VWC2L: variants seen among roughly 807,000 people sequenced by gnomAD.
VWC2L encodes von Willebrand factor C domain-containing protein 2-like.
In VWC2L, 10 loss-of-function variants were observed where a neutral mutation model predicts 21.6. The observed-to-expected ratio is 0.46, with a 90% CI of 0.29 to 0.78. The LOEUF (loss-of-function observed/expected upper bound fraction) is 0.78, where lower values mean the gene tolerates loss of function less well. Ranked by LOEUF, VWC2L falls within the 30% of genes least tolerant of loss-of-function variation. The pLI, the probability that VWC2L is intolerant of heterozygous loss-of-function variation, is 0.10. For missense variants in VWC2L, 209 were observed against 277.1 expected, an observed-to-expected ratio of 0.75 and a Z score of 1.74; for synonymous variants, 96 against 94.3, an observed-to-expected ratio of 1.02 and a Z score of -0.10.
intron 3 of VWC2L, among the ~76,000 whole-genome samples, chr2:214,475,013 T>C (rs1688489967): frequency 1.3e-5 from 2 of 152,142 alleles, no homozygotes; most frequent in South Asian, 4.1e-4. Context: ...GGGACAACTG[T>C]TATCTCTGGC....
intron 3 of VWC2L, among the ~76,000 whole-genome samples, chr2:214,437,410 T>G (rs1005130935): frequency 2.0e-5 from 3 of 152,078 alleles, no homozygotes; most frequent in African/African-American, 7.2e-5. Flanking sequence ...AATATCCTAA[T>G]CACCCAAAAT....
chr2:214,505,959 C>T (rs1377121459), intron 3 of VWC2L, among the ~76,000 whole-genome samples: 2 of 151,938 alleles, frequency 1.3e-5, no homozygotes, highest in African/African-American at 2.4e-5. Context: ...AAGGGGTAGC[C>T]GGGAGTGCTG....
chr2:214,529,286 A>C (rs1418859219), intron 3 of VWC2L, among the ~76,000 whole-genome samples: 1 of 152,132 alleles, frequency 6.6e-6, no homozygotes, highest in Admixed American at 6.6e-5. Flanking sequence ...GAAGTTTATT[A>C]ACGTGACCAA....
intron 2 of VWC2L, among the ~76,000 whole-genome samples, chr2:214,432,747 C>T (rs536730448): frequency 1.8e-4 from 27 of 152,288 alleles, no homozygotes; most frequent in African/African-American, 6.5e-4. Flanking sequence ...TAGGGCCAGG[C>T]ACAGTGGCTC....
Position 214,522,473 on chromosome 2 carries a change from G to A in VWC2L, c.521-53199G>A, listed in dbSNP as rs775755039. Among the ~76,000 whole-genome samples the A allele has an allele frequency of 6.6e-5, 10 of 151,654 alleles. 1 individual carries two copies. In the South Asian group the frequency reaches 1.5e-3, roughly 22 times the overall value. ...TTCAATTTTTAGTGGGTACATAGTC[G>A]GTGTCTATATTTATGGGGTACAGGA... On this transcript the variant is annotated intron_variant, in intron 3 of 3. Coordinates refer to ENST00000312504, the MANE Select transcript of VWC2L (RefSeq NM_001080500.4).
chr2:214,548,879 T>C (rs559206983), intron 3 of VWC2L, among the ~76,000 whole-genome samples: 2 of 152,188 alleles, frequency 1.3e-5, no homozygotes, highest in Non-Finnish European at 2.9e-5. Context: ...ATTCAAGGGG[T>C]AGTTTTTACC....
intron 3 of VWC2L, among the ~76,000 whole-genome samples, chr2:214,528,120 T>C (rs1689372965): frequency 6.6e-6 from 1 of 152,222 alleles, no homozygotes; most frequent in Non-Finnish European, 1.5e-5. Flanking sequence ...GTAAATGGAA[T>C]ATGTTTTCAG....
chr2:214,412,854 C>T (rs535136104), intron 1 of VWC2L, among the ~76,000 whole-genome samples: 12 of 152,010 alleles, frequency 7.9e-5, no homozygotes, highest in Middle Eastern at 3.4e-3. Flanking sequence ...TATAACTGAC[C>T]TGAAAATGTC....
chr2:214,433,564 C>G (rs1702634691), intron 2 of VWC2L, among the ~76,000 whole-genome samples: 1 of 152,096 alleles, frequency 6.6e-6, no homozygotes, highest in Non-Finnish European at 1.5e-5. Flanking sequence ...TCACATGGAA[C>G]AACCCAATAA....
chr2:214,562,960 A>T (rs1216100206), intron 3 of VWC2L, among the ~76,000 whole-genome samples: 2 of 152,166 alleles, frequency 1.3e-5, no homozygotes, highest in Non-Finnish European at 2.9e-5. Context: ...CTTTAATTTA[A>T]TTAGATCCCA....
chr2:214,481,192 C>A (rs1688599833), intron 3 of VWC2L, among the ~76,000 whole-genome samples: 2 of 152,190 alleles, frequency 1.3e-5, no homozygotes, highest in African/African-American at 4.8e-5. Context: ...GATTTCTCCA[C>A]TCCCCAAAAC....
At chr2:214,478,857 C>T (rs1386614988) in intron 3 of VWC2L, among the ~76,000 whole-genome samples, 1 of 152,178 alleles carries the variant, frequency 6.6e-6, no homozygotes, top group Non-Finnish European at 1.5e-5. Context: ...CCTAGGCTGC[C>T]TTACCTTTCC....
At chr2:214,443,243 G>A (rs1702787752) in intron 3 of VWC2L, among the ~76,000 whole-genome samples, 1 of 152,060 alleles carries the variant, frequency 6.6e-6, no homozygotes, top group African/African-American at 2.4e-5. Context: ...TCTGTGGTGT[G>A]TGCCTGTAAT....
chr2:214,500,234 C>A (rs954933536), intron 3 of VWC2L, among the ~76,000 whole-genome samples: 1 of 152,200 alleles, frequency 6.6e-6, no homozygotes, highest in African/African-American at 2.4e-5. Context: ...TATTATTTTT[C>A]TGCTCTGATA....
At chr2:214,496,845 A>G (rs1688820089) in intron 3 of VWC2L, among the ~76,000 whole-genome samples, 1 of 152,216 alleles carries the variant, frequency 6.6e-6, no homozygotes, top group African/African-American at 2.4e-5. Flanking sequence ...GATAACACCT[A>G]AGAGTATTCA....
intron 3 of VWC2L, among the ~76,000 whole-genome samples, chr2:214,533,187 CAAT>C (rs1011956800): frequency 8.6e-5 from 13 of 151,928 alleles, no homozygotes; most frequent in African/African-American, 3.1e-4. Flanking sequence ...CCCAGAAACA[CAAT>C]AATGTGAAAA....
At chr2:214,558,437 C>T (rs901388984) in intron 3 of VWC2L, among the ~76,000 whole-genome samples, 1 of 152,064 alleles carries the variant, frequency 6.6e-6, no homozygotes, top group Admixed American at 6.6e-5. Flanking sequence ...TAACATTGAC[C>T]TCATTCTCTT....
chr2:214,560,503 T>C (rs990902727), intron 3 of VWC2L, among the ~76,000 whole-genome samples: 2 of 152,306 alleles, frequency 1.3e-5, no homozygotes, highest in Middle Eastern at 3.4e-3. Context: ...ATCATTTTAA[T>C]GAAGTGAAAA....
intron 3 of VWC2L, among the ~76,000 whole-genome samples, chr2:214,527,429 T>C (rs1324439172): frequency 2.0e-5 from 3 of 152,158 alleles, no homozygotes; most frequent in East Asian, 1.9e-4. Flanking sequence ...AAGAAAACCA[T>C]CTCCAATTAC....
Sources: gnomAD v4.1 joint callset for allele counts (sites outside exome capture counted in the v4.1 genomes callset) on GRCh38, gnomAD v4.1.1 for gene constraint, MANE v1.5 for transcripts, NCBI Gene and HGNC (gene_info 2026-07-23, HGNC 2026-07-21) for gene names.